MARCHF1: variants seen among roughly 807,000 people sequenced by gnomAD.
MARCHF1 encodes E3 ubiquitin-protein ligase MARCHF1.
MARCHF1 carries 40 observed loss-of-function variants against 54.2 expected under a neutral mutation model. That is an observed-to-expected ratio of 0.74 (90% CI 0.57 to 0.96). The LOEUF is 0.96. Among genes scored for constraint, MARCHF1 ranks in the 40% least tolerant of loss-of-function variants. The probability of loss-of-function intolerance (pLI) is 0.00; values close to 1 mark genes in which losing one functional copy is unlikely to be tolerated. For missense variants in MARCHF1, 586 were observed against 656.5 expected (o/e 0.89, Z 1.17); for synonymous variants, 236 against 236.3 (o/e 1.00, Z 0.01).
chr4:163,821,798 T>A (rs1276538880), intron 4 of MARCHF1, among the ~76,000 whole-genome samples: 1 of 151,736 alleles, frequency 6.6e-6, no homozygotes, highest in Non-Finnish European at 1.5e-5. Context: ...AGAGGGTTTT[T>A]TTTTTTTTGT....
chr4:164,287,153 TTA>T lies in MARCHF1; in HGVS notation c.-323+96715_-323+96716del, dbSNP rs562836216. ...ATATATAACTATAGAATTTTATGTT[TTA>T]TATATATATATAATAAATGAAGTCT... On this transcript the variant is annotated intron_variant, in intron 1 of 9. Coordinates refer to ENST00000514618, the MANE Select transcript of MARCHF1 (RefSeq NM_001394959.1). 1.5e-4 allele frequency among the ~76,000 whole-genome samples: 22 copies of T among 148,506 alleles called. No individual in the cohort carries two copies. The East Asian group carries it at 1.9e-3, about 13-fold the overall frequency.
At chr4:164,082,632 A>G (rs1373580450) in intron 2 of MARCHF1, among the ~76,000 whole-genome samples, 1 of 152,180 alleles carries the variant, frequency 6.6e-6, no homozygotes, top group East Asian at 1.9e-4. Flanking sequence ...CCTCTCCACA[A>G]AAGACATCAA....
intron 3 of MARCHF1, among the ~76,000 whole-genome samples, chr4:163,981,587 T>A (rs977228536): frequency 1.3e-5 from 2 of 152,152 alleles, no homozygotes; most frequent in Non-Finnish European, 2.9e-5. Context: ...CAGGGTGATA[T>A]TCCTGGGAAT....
chr4:164,323,266 G>A (rs116395291), intron 1 of MARCHF1, among the ~76,000 whole-genome samples: 190 of 151,372 alleles, frequency 1.3e-3, no homozygotes, highest in African/African-American at 4.4e-3. Context: ...ATAACCCCTG[G>A]ATCAAAGAGG....
chr4:164,032,159 C>T (rs924649978), intron 2 of MARCHF1, among the ~76,000 whole-genome samples: 2 of 152,128 alleles, frequency 1.3e-5, no homozygotes, highest in Non-Finnish European at 2.9e-5. Flanking sequence ...GTTTGTATTT[C>T]TGTGGGGTCA....
At chr4:163,588,229 A>C (rs1740474689) in intron 7 of MARCHF1, among the ~76,000 whole-genome samples, 1 of 152,152 alleles carries the variant, frequency 6.6e-6, no homozygotes, top group South Asian at 2.1e-4. Flanking sequence ...AGCACCACAT[A>C]TGAAAGGCCA....
chr4:163,623,208 G>A (rs1290511848), intron 5 of MARCHF1, among the ~76,000 whole-genome samples: 1 of 152,194 alleles, frequency 6.6e-6, no homozygotes, highest in Non-Finnish European at 1.5e-5. Context: ...GATAAGGCTA[G>A]TTCTGAGAGC....
In MARCHF1 at chr4:163,630,760, T is replaced by A. The variant is rs1452102428; in HGVS notation, c.163-17367A>T. Among the ~76,000 whole-genome samples, 13 of 149,532 alleles carry A rather than the reference T, an allele frequency of 8.7e-5. No individual in the cohort carries two copies. The East Asian group carries it at 2.6e-3, about 29-fold the overall frequency. Reference sequence around the variant, plus strand: ...AGTATGATAAAGGAAATGTTAAAAATTAGAAGAACAAAAGAAAAAGGGAAA... The same window carrying A: ...AGTATGATAAAGGAAATGTTAAAAAATAGAAGAACAAAAGAAAAAGGGAAA... On this transcript the variant is annotated intron_variant, in intron 5 of 9. Transcript: ENST00000514618.
chr4:164,259,586 GAAAA>G (rs949088358), intron 1 of MARCHF1, among the ~76,000 whole-genome samples: 1 of 120,080 alleles, frequency 8.3e-6, no homozygotes, highest in African/African-American at 3.3e-5. Flanking sequence ...AAAGAAAAAA[GAAAA>G]AAAAAAGAAA....
At chr4:163,996,188 C>G (rs1394259510) in intron 2 of MARCHF1, among the ~76,000 whole-genome samples, 1 of 151,728 alleles carries the variant, frequency 6.6e-6, no homozygotes, top group East Asian at 1.9e-4. Flanking sequence ...TATAATTAAT[C>G]TAACATTAGT....
chr4:164,180,181 C>T (rs952204362), intron 1 of MARCHF1, among the ~76,000 whole-genome samples: 13 of 151,746 alleles, frequency 8.6e-5, no homozygotes, highest in Non-Finnish European at 1.8e-4. Flanking sequence ...TGATTAGGCA[C>T]AGGGTTATAC....
At chr4:163,774,095 C>T (rs1292586048) in intron 4 of MARCHF1, among the ~76,000 whole-genome samples, 1 of 152,188 alleles carries the variant, frequency 6.6e-6, no homozygotes, top group Non-Finnish European at 1.5e-5. Flanking sequence ...CTAAAATCCA[C>T]AGATGCTCAA....
At chr4:163,732,219 C>T (rs892490425) in intron 4 of MARCHF1, among the ~76,000 whole-genome samples, 1 of 151,408 alleles carries the variant, frequency 6.6e-6, no homozygotes, top group Non-Finnish European at 1.5e-5. Context: ...ATCAAAAGAG[C>T]CTAACCAAAC....
At chr4:163,890,799 G>A (rs1199194703) in intron 3 of MARCHF1, among the ~76,000 whole-genome samples, 1 of 151,906 alleles carries the variant, frequency 6.6e-6, no homozygotes, top group Non-Finnish European at 1.5e-5. Context: ...TTGACCCACC[G>A]GAACCCGGCC....
intron 1 of MARCHF1, among the ~76,000 whole-genome samples, chr4:164,215,295 G>T (rs1579629985): frequency 6.6e-6 from 1 of 152,242 alleles, no homozygotes; most frequent in East Asian, 1.9e-4. Context: ...TAGCCTGCCA[G>T]CGTTCTGGCG....
chr4:163,646,848 A>G (rs1020204823), intron 5 of MARCHF1, among the ~76,000 whole-genome samples: 3 of 152,158 alleles, frequency 2.0e-5, no homozygotes, highest in African/African-American at 7.2e-5. Context: ...GGAAGAAAAG[A>G]ACAAAAGATC....
chr4:163,815,851 G>A (rs1037561834), intron 4 of MARCHF1, among the ~76,000 whole-genome samples: 1 of 152,072 alleles, frequency 6.6e-6, no homozygotes, highest in East Asian at 1.9e-4. Context: ...CAGAAACAGG[G>A]AAATGAACCA....
chr4:164,207,666 C>G (rs779296788), intron 1 of MARCHF1, among the ~76,000 whole-genome samples: 1 of 152,080 alleles, frequency 6.6e-6, no homozygotes, highest in Non-Finnish European at 1.5e-5. Flanking sequence ...ACCACAGCAG[C>G]GAAGCCAAGG....
chr4:164,014,838 T>C (rs1319850440), intron 2 of MARCHF1, among the ~76,000 whole-genome samples: 1 of 152,164 alleles, frequency 6.6e-6, no homozygotes, highest in Non-Finnish European at 1.5e-5. Context: ...ATAACAATTA[T>C]AAATATACAT....
Sources: gnomAD v4.1 joint callset for allele counts (sites outside exome capture counted in the v4.1 genomes callset) on GRCh38, gnomAD v4.1.1 for gene constraint, MANE v1.5 for transcripts, NCBI Gene and HGNC (gene_info 2026-07-23, HGNC 2026-07-21) for gene names.